Variants in ASPM observed in about 807,000 individuals in gnomAD.
ASPM encodes assembly factor for spindle microtubules.
A neutral mutation model predicts 366.4 loss-of-function variants in ASPM; 256 were observed. That is an observed-to-expected ratio of 0.70 (90% CI 0.63 to 0.77). The LOEUF (loss-of-function observed/expected upper bound fraction) is 0.77. Among genes scored for constraint, ASPM ranks in the 30% least tolerant of loss-of-function variants. The probability of loss-of-function intolerance (pLI) is 0.00; values close to 1 mark genes in which losing one functional copy is unlikely to be tolerated. For missense variants in ASPM, 4,146 were observed against 4,090.4 expected (o/e 1.01, Z -0.37); for synonymous variants, 1,414 against 1,342.9 (o/e 1.05, Z -1.16).
intron 17 of ASPM, among the ~76,000 whole-genome samples, chr1:197,110,027 C>T (rs1005470258): frequency 1.3e-5 from 2 of 151,916 alleles, no homozygotes; most frequent in Non-Finnish European, 2.9e-5. Context: ...AAATGTGATG[C>T]AATTTCAATC....
chr1:197,115,192 C>A (rs1335921306), intron 17 of ASPM, among the ~76,000 whole-genome samples: 1 of 152,112 alleles, frequency 6.6e-6, no homozygotes, highest in Non-Finnish European at 1.5e-5. Context: ...GGAGTAGATC[C>A]CATTTCAAGA....
chr1:197,111,371 C>A (rs934494074), intron 17 of ASPM, among the ~76,000 whole-genome samples: 3 of 151,938 alleles, frequency 2.0e-5, no homozygotes, highest in Admixed American at 2.0e-4. Context: ...CAAATCAGAA[C>A]CACAGTGAGA....
At chr1:197,119,395 A>G in intron 16 of ASPM, among the ~76,000 whole-genome samples, 1 of 152,188 alleles carries the variant, frequency 6.6e-6, no homozygotes, top group Non-Finnish European at 1.5e-5. Context: ...AGTATATTGC[A>G]TTTGAGACAA....
intron 23 of ASPM, among the ~76,000 whole-genome samples, 190 bp from the exon 24 acceptor site, chr1:197,090,578 T>C (rs1434842096): frequency 6.6e-6 from 1 of 152,120 alleles, no homozygotes; most frequent in Non-Finnish European, 1.5e-5. Context: ...ATAATATTCC[T>C]ATATGTAAAC....
Position 197,102,466 on chromosome 1 carries a change from A to T in ASPM, c.6785T>A (p.Met2262Lys). ...GKKARRHLKM[M>K]HIAATLIQRR... ...CTGAATGAGAGTTGCGGCTATATGC[A>T]TCATTTTTAAATGTCTTCTAGCTTT... The change falls in exon 18 of 28, where the codon ATG (methionine) becomes AAG (lysine). Residue 2262 changes from methionine (M) to lysine (K), a missense_variant. Transcript: ENST00000367409. The T allele has an allele frequency of 6.2e-7, 1 of 1,612,656 alleles. No homozygotes were observed. The highest frequency in any genetic ancestry group is 1.1e-5 in the South Asian group (1 of 91,054).
In ASPM at chr1:197,094,157, G is replaced by A; in HGVS notation, c.9011C>T (p.Ala3004Val). The change falls in exon 20 of 28, where the codon GCA becomes GTA. Residue 3004 changes from alanine (A) to valine (V), a missense_variant. Transcript: ENST00000367409. ...RTRFLNVRAS[A>V]IIIQRKWRAI... is the part of the protein sequence containing the mutation. ...TCTCCATTTTCTCTGAATGATAATTGCTGATGCTCTCACATTCAAAAACCT... is the reference window on the plus strand; with the variant it reads ...TCTCCATTTTCTCTGAATGATAATTACTGATGCTCTCACATTCAAAAACCT... 6.2e-7 allele frequency: 1 copy of A among 1,606,422 alleles called. No homozygotes were observed. The highest frequency in any genetic ancestry group is 8.5e-7 in the Non-Finnish European group (1 of 1,175,190).
chr1:197,084,471 C>G (rs1332436149), intron 27 of ASPM, 45 bp from the exon 28 acceptor site: 5 of 1,350,782 alleles, frequency 3.7e-6, no homozygotes, highest in Non-Finnish European at 5.2e-6. Flanking sequence ...AAGTTCTTCT[C>G]TTTAGAGTTA....
At chr1:197,131,672 C>T (rs565725551) in intron 7 of ASPM, among the ~76,000 whole-genome samples, 42 of 152,020 alleles carry the variant, frequency 2.8e-4, no homozygotes, top group Non-Finnish European at 4.4e-4. Flanking sequence ...CATTCTCCTG[C>T]CTCAGCCTCC....
intron 27 of ASPM, 85 bp downstream of exon 27, chr1:197,086,718 T>A: frequency 8.5e-7 from 1 of 1,182,402 alleles, no homozygotes. Flanking sequence ...AAGCACATCT[T>A]GTTTATGGTA....
In ASPM at chr1:197,121,934, G is replaced by A; in HGVS notation, c.3851C>T (p.Thr1284Ile). 1 of 1,610,492 alleles carries A rather than the reference G, an allele frequency of 6.2e-7. No homozygotes were observed. The highest frequency in any genetic ancestry group is 8.5e-7 in the Non-Finnish European group (1 of 1,177,174). ...GAGTACCTGATGGCGTTTGAGATCT[G>A]TTTTTAGTTTATATTTTCTCCATGT... ...QTTWRKYKLK[T>I]DLKRHQEREK... The change falls in exon 16 of 28, where the codon ACA becomes ATA. Residue 1284 changes from threonine to isoleucine, a missense_variant. Around this residue, in one of 3 missense-constraint regions of ASPM, gnomAD observed 3,624 missense variants for 3,591.7 expected, o/e 1.01. Transcript: ENST00000367409.
chr1:197,130,199 TTAAAC>T, intron 7 of ASPM, 143 bp from the exon 8 acceptor site: 2 of 863,918 alleles, frequency 2.3e-6, no homozygotes, highest in Non-Finnish European at 3.7e-6. Context: ...AATAACTTCT[TTAAAC>T]TATGCATATA....
chr1:197,100,614 A>T lies in ASPM; in HGVS notation c.8637T>A (p.Phe2879Leu). ...YFRTWQTRKQ[F>L]LLYRKAAVVL... ...CCACTGCTGCTTTTCTATATAGTAA[A>T]AACTGTTTTCTGGTTTGCCACGTCC... Residue 2879 changes from phenylalanine (F) to leucine (L), a missense_variant, in exon 18 of 28, where the codon TTT becomes TTA. Coordinates refer to ENST00000367409, the MANE Select transcript of ASPM (RefSeq NM_018136.5). 1 of 1,612,026 alleles carries T rather than the reference A, an allele frequency of 6.2e-7. No homozygotes were observed. The highest frequency in any genetic ancestry group is 8.5e-7 in the Non-Finnish European group (1 of 1,178,864).
rs1658785508 is a variant in ASPM at position 197,146,391 on chromosome 1, G to A, written c.47C>T (p.Thr16Ile). 1 of 1,609,906 alleles carries A rather than the reference G, an allele frequency of 6.2e-7. No homozygotes were observed. Among genetic ancestry groups the A allele is most frequent in the South Asian group, 1.1e-5 (1 of 90,986 alleles). Residue 16 changes from threonine (T) to isoleucine (I), a missense_variant, in exon 1 of 28, where the codon ACC becomes ATC. Physicochemically the swap from Thr to Ile is moderately conservative, Grantham distance 89. Transcript: ENST00000367409. ...CAGCCCCGCGGGCGGCCTCCGCTCG[G>A]TCGGGCTCACTTCCCAGCAGCCTCG... ...VGRGCWEVSP[T>I]ERRPPAGLRG...
intron 18 of ASPM, among the ~76,000 whole-genome samples, chr1:197,098,365 T>C (rs1355236460): frequency 6.6e-6 from 1 of 151,612 alleles, no homozygotes; most frequent in Non-Finnish European, 1.5e-5. Context: ...GGTAGGAGTA[T>C]GTTTTAAAAT....
intron 7 of ASPM, among the ~76,000 whole-genome samples, 191 bp from the exon 8 acceptor site, chr1:197,130,247 C>G (rs528962815): frequency 6.6e-6 from 1 of 152,192 alleles, no homozygotes; most frequent in South Asian, 2.1e-4. Context: ...ATATAGTATA[C>G]GTTGCAATGC....
intron 26 of ASPM, 53 bp downstream of exon 26, chr1:197,088,203 A>C (rs755741285): frequency 1.5e-5 from 24 of 1,566,418 alleles, no homozygotes; most frequent in Non-Finnish European, 2.1e-5. Flanking sequence ...AAAGTCATAG[A>C]CTTAAGACCA....
chr1:197,112,535 A>C (rs1334709239), intron 17 of ASPM, among the ~76,000 whole-genome samples: 3 of 152,144 alleles, frequency 2.0e-5, no homozygotes, highest in African/African-American at 7.2e-5. Context: ...AGAAAAACTC[A>C]AGCTGGAAAC....
chr1:197,129,633 T>C (rs1051884884), intron 8 of ASPM, among the ~76,000 whole-genome samples: 1 of 152,122 alleles, frequency 6.6e-6, no homozygotes, highest in Non-Finnish European at 1.5e-5. Context: ...GCAGGCACCA[T>C]CGTAGGTGTT....
chr1:197,107,397 G>A (rs1250011937), intron 17 of ASPM, among the ~76,000 whole-genome samples: 1 of 152,126 alleles, frequency 6.6e-6, no homozygotes, highest in Non-Finnish European at 1.5e-5. Flanking sequence ...AGGCTGATGA[G>A]AACAGGTGGC....
Sources: gnomAD v4.1 joint callset for allele counts (sites outside exome capture counted in the v4.1 genomes callset) on GRCh38, gnomAD v4.1.1 for gene constraint, gnomAD v4.1.1 regional missense constraint, MANE v1.5 for transcripts, NCBI Gene and HGNC (gene_info 2026-07-23, HGNC 2026-07-21) for gene names.